Variants in WNT5B observed in about 807,000 individuals in gnomAD.
WNT5B encodes the protein protein Wnt-5b.
In WNT5B, 18 loss-of-function variants were observed where a neutral mutation model predicts 36.5. The ratio of observed to expected loss-of-function variants is 0.49; its 90% CI spans 0.34 to 0.73. The LOEUF (loss-of-function observed/expected upper bound fraction) is 0.73. WNT5B is among the 30% of genes least tolerant of loss of function. WNT5B has a pLI of 0.01. For missense variants in WNT5B, 424 were observed against 508.4 expected (o/e 0.83, Z 1.60); for synonymous variants, 213 against 212.3 (o/e 1.00, Z -0.03).
At chr12:1,625,072 G>A (rs964556305), upstream of WNT5B, among the ~76,000 whole-genome samples, 55 of 152,252 alleles carry the variant, frequency 3.6e-4, no homozygotes, top group African/African-American at 1.3e-3. Context: ...GGTCTTGGGG[G>A]AAAAGTGGGG....
At chr12:1,636,048 A>G (rs1431772966) in intron 3 of WNT5B, among the ~76,000 whole-genome samples, 1 of 151,974 alleles carries the variant, frequency 6.6e-6, no homozygotes, top group Non-Finnish European at 1.5e-5. Flanking sequence ...CCAAGACAAG[A>G]CTCTGGGATT....
intron 4 of WNT5B, among the ~76,000 whole-genome samples, chr12:1,643,111 G>A (rs1309385356): frequency 6.7e-6 from 1 of 148,372 alleles, no homozygotes; most frequent in Non-Finnish European, 1.5e-5. Context: ...TTGACACAGA[G>A]TAAATCTTAG....
chr12:1,617,956 T>C (rs911531620), intron 1 of WNT5B, among the ~76,000 whole-genome samples: 6 of 151,990 alleles, frequency 3.9e-5, no homozygotes, highest in East Asian at 3.9e-4. Context: ...CTGGACAATA[T>C]AGGGAGACCC....
intron 3 of WNT5B, among the ~76,000 whole-genome samples, chr12:1,638,045 G>A (rs1465185380): frequency 6.6e-6 from 1 of 152,048 alleles, no homozygotes; most frequent in African/African-American, 2.4e-5. Flanking sequence ...TCAGGAGATC[G>A]AGACCATCCT....
upstream of WNT5B, among the ~76,000 whole-genome samples, chr12:1,628,212 G>T (rs961131239): frequency 2.6e-5 from 4 of 151,428 alleles, no homozygotes; most frequent in African/African-American, 4.9e-5. Context: ...CTGGAGTGCA[G>T]TTGTGCTATC....
At chr12:1,642,367 T>A (rs1340031474) in intron 4 of WNT5B, among the ~76,000 whole-genome samples, 2 of 152,072 alleles carry the variant, frequency 1.3e-5, no homozygotes, top group Admixed American at 1.3e-4. Flanking sequence ...CCAGTCCCCA[T>A]TGTTAGTAGT....
At chr12:1,639,251 C>G (rs1054524099) in intron 3 of WNT5B, among the ~76,000 whole-genome samples, 1 of 151,240 alleles carries the variant, frequency 6.6e-6, no homozygotes, top group Admixed American at 6.6e-5. Flanking sequence ...CATTCTCCTG[C>G]CTCAGCCTCC....
chr12:1,639,649 GCGCAC>G (rs1167161872), intron 3 of WNT5B, 30 bp from the exon 4 acceptor site: 1 of 1,466,558 alleles, frequency 6.8e-7, no homozygotes, highest in Non-Finnish European at 8.9e-7. Flanking sequence ...GGAGAGGAGA[GCGCAC>G]CCGCTTACCG....
At chr12:1,635,845 G>C (rs574573644) in intron 3 of WNT5B, among the ~76,000 whole-genome samples, 1 of 152,140 alleles carries the variant, frequency 6.6e-6, no homozygotes, top group African/African-American at 2.4e-5. Context: ...CCATCATTTC[G>C]GTTTTTCTTG....
chr12:1,639,538 G>A, intron 3 of WNT5B, 146 bp from the exon 4 acceptor site: 1 of 826,942 alleles, frequency 1.2e-6, no homozygotes, highest in South Asian at 2.0e-5. Flanking sequence ...ACGTTTCCAA[G>A]CGTTAGAGCT....
In WNT5B at chr12:1,631,454, G is replaced by A; in HGVS notation, c.80+20G>A. 3 of 1,613,984 alleles carry A rather than the reference G, an allele frequency of 1.9e-6. No homozygotes were observed. The highest frequency in any genetic ancestry group is 2.5e-6 in the Non-Finnish European group (3 of 1,179,986). On this transcript the variant is annotated intron_variant, in intron 2 of 4. Coordinates refer to ENST00000397196, the MANE Select transcript of WNT5B (RefSeq NM_032642.3). ...CTGGTGGTGAGTAAGAGGGGCTGAG[G>A]TCCTGCCTGCACAGCCGGAGGCCTC...
upstream of WNT5B, among the ~76,000 whole-genome samples, chr12:1,625,979 CTT>C (rs547219559): frequency 4.6e-4 from 62 of 134,342 alleles, no homozygotes; most frequent in Admixed American, 8.3e-4. Context: ...TTTTCTCTCT[CTT>C]TTTTTTTTTT....
At chr12:1,640,676 G>A (rs372886753) in intron 4 of WNT5B, among the ~76,000 whole-genome samples, 39 of 152,162 alleles carry the variant, frequency 2.6e-4, no homozygotes, top group Admixed American at 7.9e-4. Context: ...GGCAGCTTCT[G>A]GGCCCCTAGG....
chr12:1,645,991 C>A lies in WNT5B; in HGVS notation c.819C>A (p.Pro273=), dbSNP rs570511847. 6.2e-7 allele frequency: 1 copy of A among 1,611,754 alleles called. No homozygotes were observed. Among genetic ancestry groups the A allele is most frequent in the Non-Finnish European group, 8.5e-7 (1 of 1,179,870 alleles). The change falls in exon 5 of 5, where the codon CCC becomes CCA. Residue 273 remains proline (P), a synonymous_variant. Transcript: ENST00000397196. ...TGGTCAACAGCCGCTTCACCCAGCC[C>A]ACCCCGGAGGACCTGGTCTATGTGG... is the stretch of plus-strand genomic sequence containing the variant. The part of the protein sequence containing the change: ...LELVNSRFTQ[P]TPEDLVYVDP...
intron 3 of WNT5B, among the ~76,000 whole-genome samples, chr12:1,634,173 TG>T (rs1474346727): frequency 1.3e-5 from 2 of 152,224 alleles, no homozygotes; most frequent in Non-Finnish European, 2.9e-5. Flanking sequence ...CTAGTGTTCC[TG>T]GGGCAGCTTT....
At chr12:1,643,088 A>G (rs1300407833) in intron 4 of WNT5B, among the ~76,000 whole-genome samples, 2 of 152,168 alleles carry the variant, frequency 1.3e-5, no homozygotes, top group South Asian at 2.1e-4. Flanking sequence ...AAGATTATCC[A>G]GGATCTGATG....
Position 1,631,388 on chromosome 12 carries a change from C to A in WNT5B, c.34C>A (p.Leu12Met). 1 of 1,614,178 alleles carries A rather than the reference C, an allele frequency of 6.2e-7. No individual in the cohort carries two copies. Among genetic ancestry groups the A allele is most frequent in the South Asian group, 1.1e-5 (1 of 91,072 alleles). ...PSLLLLFTAA[L>M]LSSWAQLLTD... ...CCTGCTGCTGCTGTTCACGGCTGCT[C>A]TGCTGTCCAGCTGGGCTCAGCTTCT... Residue 12 changes from leucine (L) to methionine (M), a missense_variant, in exon 2 of 5, where the codon CTG (leucine) becomes ATG (methionine). By Grantham distance (15) the Leu-to-Met change is conservative. Transcript: ENST00000397196.
rs1312297396 is a variant in WNT5B at position 1,630,582 on chromosome 12, AG to A, written c.-57-714del. On this transcript the variant is annotated intron_variant, in intron 1 of 4. Transcript: ENST00000397196. The surrounding 1 kb of genome is among the most constrained non-coding windows in gnomAD (Gnocchi z 5.3). ...GGCAAGGTACTCGGTGCCGCCCTCG[AG>A]GACCACGGTGCCGGGAGGGGCAGGG... Among the ~76,000 whole-genome samples, 1 of 152,086 alleles carries A rather than the reference AG, an allele frequency of 6.6e-6. No homozygotes were observed. Among genetic ancestry groups the A allele is most frequent in the African/African-American group, 2.4e-5 (1 of 41,390 alleles).
Position 1,639,776 on chromosome 12 carries a change from TGCGGCTGCA to T in WNT5B, c.424_432del (p.Gly142_Ser144del). 1.2e-6 allele frequency: 2 copies of T among 1,609,894 alleles called. No homozygotes were observed. The highest frequency in any genetic ancestry group is 1.7e-6 in the Non-Finnish European group (2 of 1,178,166). On this transcript the variant is annotated inframe_deletion, in exon 4 of 5. Coordinates refer to ENST00000397196, the MANE Select transcript of WNT5B (RefSeq NM_032642.3). ...CTGCCGCGAGGGCGAGCTCTCCACC[TGCGGCTGCA>T]GCCGGACGGCGCGGCCCAAGGACCT...
Sources: allele counts gnomAD v4.1 joint callset (sites outside exome capture counted in the v4.1 genomes callset), GRCh38; gene constraint gnomAD v4.1.1; non-coding constraint Gnocchi (gnomAD v3.1); transcripts MANE v1.5; gene names NCBI Gene and HGNC (gene_info 2026-07-23, HGNC 2026-07-21).